The following LY96 variants were observed in gnomAD, a reference collection of about 807,000 sequenced individuals.
LY96 encodes lymphocyte antigen 96, also known as myeloid differentiation protein-2.
LY96 carries 18 observed loss-of-function variants against 18.9 expected under a neutral mutation model. The observed-to-expected ratio is 0.95, with a 90% CI of 0.66 to 1.41. The LOEUF is 1.41. Among genes scored for constraint, LY96 ranks in the 40% most tolerant of loss-of-function variants. The pLI is 0.00. For missense variants in LY96, 175 were observed against 182.4 expected (o/e 0.96, Z 0.23); for synonymous variants, 66 against 62.6 (o/e 1.06, Z -0.26).
chr8:74,066,300 T>C, the LY96 span, among the ~76,000 whole-genome samples: 1 of 152,094 alleles, frequency 6.6e-6, no homozygotes, highest in African/African-American at 2.4e-5. Flanking sequence ...GGAGTCCTCA[T>C]GACCTACTCA....
At chr8:74,051,259 T>C in the LY96 span, among the ~76,000 whole-genome samples, 4 of 152,186 alleles carry the variant, frequency 2.6e-5, no homozygotes, top group Non-Finnish European at 4.4e-5. Context: ...TAACTGCTAA[T>C]GAGAACAACA....
rs1338179985 is a variant in LY96, at chr8:74,006,870, G to A, written c.202+1985G>A. On this transcript the variant is annotated intron_variant, in intron 2 of 4. Transcript: ENST00000284818. ...CCAGGCCAAGATAATAAGACAGTAC[G>A]AAATCATTTAGAGTTCTCTGAAAAG... 3.9e-5 allele frequency among the ~76,000 whole-genome samples: 6 copies of A among 152,158 alleles called. No homozygotes were observed. In the East Asian group the frequency reaches 7.7e-4, roughly 20 times the overall value.
At chr8:74,068,604 T>C in the LY96 span, among the ~76,000 whole-genome samples, 2 of 152,228 alleles carry the variant, frequency 1.3e-5, no homozygotes, top group African/African-American at 4.8e-5. Flanking sequence ...ACATTCTCTC[T>C]AATACTTGAT....
chr8:74,054,566 T>TCCCTCCCTCCC, the LY96 span, among the ~76,000 whole-genome samples: 1 of 123,808 alleles, frequency 8.1e-6, no homozygotes, highest in Non-Finnish European at 1.7e-5. Flanking sequence ...CTTCCTTTCT[T>TCCCTCCCTCCC]CCCTCCCTCC....
chr8:74,008,610 T>TG (rs1380402936), intron 2 of LY96, among the ~76,000 whole-genome samples: 1 of 152,056 alleles, frequency 6.6e-6, no homozygotes, highest in Non-Finnish European at 1.5e-5. Context: ...AAAGATTTAC[T>TG]GGGACTGGGA....
intron 3 of LY96, among the ~76,000 whole-genome samples, chr8:74,022,551 T>C (rs1816790681): frequency 6.6e-6 from 1 of 151,572 alleles, no homozygotes; most frequent in African/African-American, 2.4e-5. Context: ...CAGTCTCCCT[T>C]AATAGAAATC....
At chr8:74,089,709 C>A in the LY96 span, among the ~76,000 whole-genome samples, 1 of 121,176 alleles carries the variant, frequency 8.3e-6, no homozygotes. Context: ...CGAGTGCCTG[C>A]AGATAGTAGG....
chr8:74,091,166 T>G, the LY96 span, among the ~76,000 whole-genome samples: 2 of 152,202 alleles, frequency 1.3e-5, no homozygotes, highest in African/African-American at 4.8e-5. Context: ...TTTAGGAGAC[T>G]GTGAGGTTGT....
chr8:74,021,731 C>T (rs910033852), intron 3 of LY96, among the ~76,000 whole-genome samples: 1 of 152,160 alleles, frequency 6.6e-6, no homozygotes, highest in African/African-American at 2.4e-5. Context: ...CCATGGAATA[C>T]TATGCAGCCA....
At chr8:74,066,307 C>T in the LY96 span, among the ~76,000 whole-genome samples, 1 of 152,056 alleles carries the variant, frequency 6.6e-6, no homozygotes, top group Admixed American at 6.6e-5. Context: ...TCATGACCTA[C>T]TCACCTCCTG....
At chr8:74,056,265 G>A in the LY96 span, 16 of 250,432 alleles carry the variant, frequency 6.4e-5, no homozygotes, top group East Asian at 2.3e-3. Flanking sequence ...GGCTACCTGT[G>A]GTTATTTGCT....
chr8:74,023,639 C>A (rs1323818636), intron 3 of LY96, among the ~76,000 whole-genome samples: 1 of 152,082 alleles, frequency 6.6e-6, no homozygotes, highest in African/African-American at 2.4e-5. Flanking sequence ...TTCCCTCAGG[C>A]TGTTCCATGT....
intron 3 of LY96, among the ~76,000 whole-genome samples, chr8:74,017,030 CA>C (rs1218148897): frequency 2.6e-5 from 4 of 152,172 alleles, no homozygotes; most frequent in Admixed American, 2.6e-4. Flanking sequence ...AGCAACGGAA[CA>C]AAGCTGGATG....
the LY96 span, among the ~76,000 whole-genome samples, chr8:74,087,713 A>C: frequency 6.6e-6 from 1 of 152,184 alleles, no homozygotes; most frequent in African/African-American, 2.4e-5. Flanking sequence ...AGTCTAATGA[A>C]AGACATCGCC....
At chr8:74,072,773 G>A in the LY96 span, among the ~76,000 whole-genome samples, 2 of 152,160 alleles carry the variant, frequency 1.3e-5, no homozygotes, top group African/African-American at 4.8e-5. Context: ...GAAAGCATAG[G>A]GAGGTCCTGG....
chr8:74,091,002 T>C, the LY96 span, among the ~76,000 whole-genome samples: 12 of 152,340 alleles, frequency 7.9e-5, no homozygotes, highest in African/African-American at 2.9e-4. Context: ...ATGTGTATCG[T>C]CAATATATGT....
At chr8:74,028,112 T>A (rs1232410955) in intron 4 of LY96, among the ~76,000 whole-genome samples, 2 of 152,228 alleles carry the variant, frequency 1.3e-5, no homozygotes, top group African/African-American at 4.8e-5. Flanking sequence ...CATCCCATCC[T>A]TTGCATAAGG....
chr8:74,081,390 G>A, the LY96 span, among the ~76,000 whole-genome samples: 1 of 151,330 alleles, frequency 6.6e-6, no homozygotes, highest in African/African-American at 2.4e-5. Flanking sequence ...CAAGTTGCTA[G>A]GACTACAGGT....
chr8:74,079,402 A>G, the LY96 span: 427 of 152,314 alleles, frequency 2.8e-3, 3 homozygotes, highest in African/African-American at 9.3e-3. Context: ...GAACCTGACT[A>G]ATACACCATC....
Sources: allele counts gnomAD v4.1 joint callset (sites outside exome capture counted in the v4.1 genomes callset), GRCh38; gene constraint gnomAD v4.1.1; transcripts MANE v1.5; gene names NCBI Gene and HGNC (gene_info 2026-07-23, HGNC 2026-07-21).